The following PCDHA13 variants were observed in gnomAD, a reference collection of about 807,000 sequenced individuals.
PCDHA13 encodes the protein protocadherin alpha-13.
Under a neutral mutation model 64.8 loss-of-function variants are expected in PCDHA13, and 54 were observed. That is an observed-to-expected ratio of 0.83 (90% CI 0.67 to 1.04). The LOEUF (loss-of-function observed/expected upper bound fraction) is 1.04, where lower values mean the gene tolerates loss of function less well. Ranked by LOEUF, PCDHA13 falls within the 50% of genes least tolerant of loss-of-function variation. The probability of loss-of-function intolerance (pLI) is 0.00; values close to 1 mark genes in which losing one functional copy is unlikely to be tolerated. For missense variants in PCDHA13, 1,248 were observed against 1,254.3 expected (o/e 0.99, Z 0.08); for synonymous variants, 587 against 564.4 (o/e 1.04, Z -0.57).
At chr5:140,949,231 C>G (rs971361200) in intron 1 of PCDHA13, among the ~76,000 whole-genome samples, 11 of 151,628 alleles carry the variant, frequency 7.3e-5, no homozygotes, top group African/African-American at 2.4e-4. Flanking sequence ...TGTTCTGTGG[C>G]CCAGCAACAG....
chr5:140,978,044 G>A (rs1205342779), intron 1 of PCDHA13, among the ~76,000 whole-genome samples: 1 of 152,140 alleles, frequency 6.6e-6, no homozygotes, highest in Non-Finnish European at 1.5e-5. Flanking sequence ...GACAGTGATG[G>A]TGACTGATGA....
At chr5:140,979,738 G>T (rs754559318) in intron 2 of PCDHA13, among the ~76,000 whole-genome samples, 10 of 152,194 alleles carry the variant, frequency 6.6e-5, no homozygotes, top group East Asian at 1.9e-4. Context: ...CCAAATAAAA[G>T]ATTCATTATT....
intron 1 of PCDHA13, among the ~76,000 whole-genome samples, chr5:140,960,014 A>G (rs1380089859): frequency 6.6e-6 from 1 of 152,222 alleles, no homozygotes; most frequent in Non-Finnish European, 1.5e-5. Flanking sequence ...ATTTTGCATC[A>G]TGATTTTGTT....
chr5:140,927,099 T>C (rs782352775), intron 1 of PCDHA13: 1 of 1,613,434 alleles, frequency 6.2e-7, no homozygotes, highest in Non-Finnish European at 8.5e-7. Context: ...TCGGGGTGGA[T>C]CTACCCAGCG....
At chr5:140,970,466 A>G (rs549761303) in intron 1 of PCDHA13, among the ~76,000 whole-genome samples, 51 of 152,334 alleles carry the variant, frequency 3.3e-4, no homozygotes, top group Non-Finnish European at 4.4e-4. Context: ...TTAAGTAGGT[A>G]TAAGGCCAGC....
chr5:140,930,321 T>C (rs1166503889), intron 1 of PCDHA13: 7 of 152,186 alleles, frequency 4.6e-5, no homozygotes, highest in Non-Finnish European at 1.0e-4. Flanking sequence ...TTGAGAGTAA[T>C]GTATCTAATG....
At chr5:140,925,978 T>G (rs2082847274) in intron 1 of PCDHA13, among the ~76,000 whole-genome samples, 1 of 152,164 alleles carries the variant, frequency 6.6e-6, no homozygotes, top group Admixed American at 6.5e-5. Flanking sequence ...AAAAAAGCCT[T>G]GAGCTCGCTG....
intron 1 of PCDHA13, among the ~76,000 whole-genome samples, chr5:140,955,267 T>C (rs1189039296): frequency 6.6e-6 from 1 of 152,140 alleles, no homozygotes; most frequent in Non-Finnish European, 1.5e-5. Context: ...AGGCTCTTTT[T>C]TGGTTCCATA....
intron 1 of PCDHA13, chr5:140,968,016 A>G: frequency 6.2e-7 from 1 of 1,613,240 alleles, no homozygotes; most frequent in Non-Finnish European, 8.5e-7. Flanking sequence ...GGCTTTGGAA[A>G]CTCCTATACA....
intron 3 of PCDHA13, among the ~76,000 whole-genome samples, chr5:141,001,004 T>C (rs2097982470): frequency 1.3e-5 from 2 of 152,368 alleles, no homozygotes; most frequent in South Asian, 4.1e-4. Flanking sequence ...TTTAAATATG[T>C]ATTTAGATAT....
intron 1 of PCDHA13, among the ~76,000 whole-genome samples, chr5:140,893,592 C>G (rs2064074430): frequency 6.6e-6 from 1 of 152,154 alleles, no homozygotes; most frequent in Non-Finnish European, 1.5e-5. Flanking sequence ...TTGGGAAATA[C>G]TTTATTTCTC....
chr5:140,904,156 G>C (rs1554191312), intron 1 of PCDHA13, among the ~76,000 whole-genome samples: 1 of 152,028 alleles, frequency 6.6e-6, no homozygotes, highest in Non-Finnish European at 1.5e-5. Flanking sequence ...ATTGCACCCA[G>C]TTTGTAGTCT....
intron 1 of PCDHA13, among the ~76,000 whole-genome samples, chr5:140,948,853 C>T (rs1385628610): frequency 6.6e-6 from 1 of 151,298 alleles, no homozygotes; most frequent in Non-Finnish European, 1.5e-5. Context: ...TATTTGCCTT[C>T]TTATATTACT....
chr5:140,948,497 C>G (rs1181465701), intron 1 of PCDHA13, among the ~76,000 whole-genome samples: 2 of 151,510 alleles, frequency 1.3e-5, no homozygotes, highest in Non-Finnish European at 3.0e-5. Context: ...CTTTCATAGA[C>G]TTTCTATTAA....
At chr5:140,941,262 T>TTTCTCTTTCC in intron 1 of PCDHA13, among the ~76,000 whole-genome samples, 1 of 138,798 alleles carries the variant, frequency 7.2e-6, no homozygotes, top group Non-Finnish European at 1.6e-5. Context: ...TTTCTCTTTC[T>TTTCTCTTTCC]TTCTTTCTTT....
At chr5:140,959,815 C>T (rs1239999748) in intron 1 of PCDHA13, among the ~76,000 whole-genome samples, 1 of 151,920 alleles carries the variant, frequency 6.6e-6, no homozygotes, top group Non-Finnish European at 1.5e-5. Context: ...TATATTTTAC[C>T]CACATGATAA....
chr5:140,972,241 GC>G (rs1162351861), intron 1 of PCDHA13, among the ~76,000 whole-genome samples: 1 of 151,838 alleles, frequency 6.6e-6, no homozygotes, highest in Non-Finnish European at 1.5e-5. Flanking sequence ...CTGGGCTCAA[GC>G]AATCCTCACA....
rs2098331172 is a variant in PCDHA13, at chr5:141,007,465, G to A, written c.2543-2162G>A. Among the ~76,000 whole-genome samples, 5 of 151,906 alleles carry A rather than the reference G, an allele frequency of 3.3e-5. No individual in the cohort carries two copies. The South Asian group carries it at 1.0e-3, about 32-fold the overall frequency. ...TGCCTGTAGTCCCAGCTACTCAGGA[G>A]GCTGAGGCACGAGAATTACTTGGAC... On this transcript the variant is annotated intron_variant, in intron 3 of 3. Transcript: ENST00000289272.
At chr5:140,971,603 C>T (rs1353988698) in intron 1 of PCDHA13, among the ~76,000 whole-genome samples, 1 of 152,072 alleles carries the variant, frequency 6.6e-6, no homozygotes, top group Non-Finnish European at 1.5e-5. Context: ...CTACAGATGG[C>T]AGGAGAGTCC....
Sources: allele counts gnomAD v4.1 joint callset (sites outside exome capture counted in the v4.1 genomes callset), GRCh38; gene constraint gnomAD v4.1.1; transcripts MANE v1.5; gene names NCBI Gene and HGNC (gene_info 2026-07-23, HGNC 2026-07-21).